OFD1: variants seen among roughly 807,000 people sequenced by gnomAD.
OFD1 encodes the protein centriole and centriolar satellite protein OFD1.
OFD1 carries 12 observed loss-of-function variants against 81.4 expected under a neutral mutation model. That is an observed-to-expected ratio of 0.15 (90% CI 0.09 to 0.24). OFD1 has a LOEUF of 0.24. OFD1 is among the 10% of genes least tolerant of loss of function. OFD1 has a pLI of 1.00. For missense variants in OFD1, 685 were observed against 733.9 expected (o/e 0.93, Z 0.77); for synonymous variants, 256 against 263.7 (o/e 0.97, Z 0.28).
At position 13,735,011 on chromosome X, in the gene OFD1, G is replaced by A; in HGVS notation, c.-61G>A. On this transcript the variant is annotated 5_prime_UTR_variant, in exon 1 of 23. Coordinates refer to ENST00000340096, the MANE Select transcript of OFD1 (RefSeq NM_003611.3). ...CGTCTTGGCCCCACCGCCCGGGCTGGGCACTAAACTCGGGCCGCGGCGGGG... is the reference window on the plus strand; with the variant it reads ...CGTCTTGGCCCCACCGCCCGGGCTGAGCACTAAACTCGGGCCGCGGCGGGG... The A allele has an allele frequency of 1.7e-6, 2 of 1,173,251 alleles. No individual in the cohort carries two copies. The highest frequency in any genetic ancestry group is 1.1e-6 in the Non-Finnish European group (1 of 879,575).
In OFD1 at chrX:13,734,809, C is replaced by A; in HGVS notation, c.-263C>A. On this transcript the variant is annotated 5_prime_UTR_variant, in exon 1 of 23. Coordinates refer to ENST00000340096, the MANE Select transcript of OFD1 (RefSeq NM_003611.3). ...TCCCTAGTGTCTGGGTCCCCGCCCT[C>A]CAGCCGCCTTTGAGTCGTGCCTGGG... The A allele has an allele frequency of 1.2e-5, 13 of 1,076,290 alleles. No homozygotes were observed. Among genetic ancestry groups the A allele is most frequent in the Non-Finnish European group, 1.6e-5 (13 of 835,860 alleles). 88.7% of individuals were successfully genotyped at this position (1,076,290 alleles called of 1,213,427 possible).
chrX:13,739,750 A>G (rs1380910914), intron 5 of OFD1: 3 of 571,462 alleles, frequency 5.2e-6, no homozygotes, highest in Non-Finnish European at 6.3e-6. Flanking sequence ...CTCCGTCTCA[A>G]AAAAAAAAAA....
At chrX:13,766,640 G>C (rs964693619) in intron 19 of OFD1, among the ~76,000 whole-genome samples, 9 of 111,184 alleles carry the variant, frequency 8.1e-5, no homozygotes, top group African/African-American at 2.6e-4. Flanking sequence ...GGAATGGCGG[G>C]GGGAGGGCAG....
chrX:13,733,748 CT>C (rs1311957675), upstream of OFD1, among the ~76,000 whole-genome samples: 2 of 106,657 alleles, frequency 1.9e-5, no homozygotes, highest in African/African-American at 3.4e-5. Context: ...AAGGTCGTGG[CT>C]TTTTTTTTTC....
At chrX:13,759,049 C>T (rs1215771579) in intron 15 of OFD1, among the ~76,000 whole-genome samples, 1 of 111,779 alleles carries the variant, frequency 8.9e-6, no homozygotes, top group Non-Finnish European at 1.9e-5. Context: ...TTATTGGTAT[C>T]ATTTTATTAT....
In OFD1 at chrX:13,744,402, A is replaced by G. The variant is rs1389919136; in HGVS notation, c.413-13A>G. 4 of 980,376 alleles carry G rather than the reference A, an allele frequency of 4.1e-6. No individual in the cohort carries two copies. The highest frequency in any genetic ancestry group is 3.0e-5 in the East Asian group (1 of 32,840). The allele number at this position is 980,376 out of a possible 1,213,427, so 80.8% of individuals were successfully genotyped here. On this transcript the variant is annotated splice_polypyrimidine_tract_variant and intron_variant, in intron 5 of 22. Transcript: ENST00000340096. Reference sequence around the variant, plus strand: ...AAAGTTCTGAAACAAAACTGTATGCATATGTTTTTTAGGTTTTCTTATGCA... The same window carrying G: ...AAAGTTCTGAAACAAAACTGTATGCGTATGTTTTTTAGGTTTTCTTATGCA...
chrX:13,728,757 C>T, the OFD1 span, among the ~76,000 whole-genome samples: 2 of 111,838 alleles, frequency 1.8e-5, no homozygotes, highest in Non-Finnish European at 3.8e-5. Context: ...CCAGGGCAAT[C>T]AGGCAAGAGA....
intron 5 of OFD1, among the ~76,000 whole-genome samples, chrX:13,743,056 T>A (rs970226005): frequency 2.7e-5 from 3 of 112,272 alleles, no homozygotes; most frequent in African/African-American, 9.7e-5. Context: ...AATTTATGCT[T>A]GTGGTTTAAA....
chrX:13,763,891 C>T (rs748243615), intron 19 of OFD1, 36 bp downstream of exon 19: 12 of 1,006,575 alleles, frequency 1.2e-5, no homozygotes, highest in African/African-American at 1.9e-5. Context: ...TCAGCAGGGT[C>T]GCATACTAAA....
chrX:13,728,905 G>A, the OFD1 span, among the ~76,000 whole-genome samples: 26 of 111,970 alleles, frequency 2.3e-4, no homozygotes, highest in South Asian at 5.2e-3. Context: ...CAGCAAAGTC[G>A]CAGGATACAA....
At chrX:13,724,216 A>C in the OFD1 span, among the ~76,000 whole-genome samples, 2 of 110,382 alleles carry the variant, frequency 1.8e-5, no homozygotes, top group East Asian at 2.9e-4. Flanking sequence ...GAAGGAGAAG[A>C]CTAAAGAAAT....
At chrX:13,762,868 A>G (rs1420980707) in intron 18 of OFD1, among the ~76,000 whole-genome samples, 1 of 111,179 alleles carries the variant, frequency 9.0e-6, no homozygotes, top group Non-Finnish European at 1.9e-5. Flanking sequence ...GGTCCAAGTG[A>G]TTCATCTGCC....
chrX:13,751,447 C>A, intron 10 of OFD1, 79 bp downstream of exon 10: 1 of 831,909 alleles, frequency 1.2e-6, no homozygotes, highest in Non-Finnish European at 1.7e-6. Flanking sequence ...ACAAAGTAGT[C>A]TGTAACTTAG....
intron 7 of OFD1, 81 bp from the exon 8 acceptor site, chrX:13,746,699 A>G: frequency 1.3e-6 from 1 of 772,190 alleles, no homozygotes; most frequent in Non-Finnish European, 1.9e-6. Context: ...TTAATGTTAA[A>G]CCTAGATGTA....
At chrX:13,746,978 G>A (rs749852948) in intron 8 of OFD1, 25 bp downstream of exon 8, 10 of 1,186,165 alleles carry the variant, frequency 8.4e-6, no homozygotes, top group Non-Finnish European at 1.1e-5. Context: ...TATTTTATGG[G>A]TGGCTATTTC....
At chrX:13,758,714 C>G (rs2047810631) in intron 15 of OFD1, among the ~76,000 whole-genome samples, 1 of 111,227 alleles carries the variant, frequency 9.0e-6, no homozygotes, top group African/African-American at 3.3e-5. Context: ...ACATAGAAGT[C>G]CCCATATTCA....
chrX:13,735,447 A>G (rs931590270), intron 2 of OFD1, 101 bp downstream of exon 2: 4 of 600,639 alleles, frequency 6.7e-6, no homozygotes, highest in Non-Finnish European at 5.8e-6. Context: ...CGTATGATAC[A>G]TAGATTGTAT....
At chrX:13,764,480 C>T (rs1250793886) in intron 19 of OFD1, among the ~76,000 whole-genome samples, 1 of 111,571 alleles carries the variant, frequency 9.0e-6, no homozygotes, top group Non-Finnish European at 1.9e-5. Flanking sequence ...CCACTTCCCT[C>T]CCTGCGGGTG....
downstream of OFD1, chrX:13,772,220 C>T (rs1478398854): frequency 8.9e-6 from 1 of 111,992 alleles, no homozygotes; most frequent in Non-Finnish European, 1.9e-5. Flanking sequence ...GTCAGTGAGT[C>T]CAGCATCCAG....
Sources: gnomAD v4.1 joint callset for allele counts (sites outside exome capture counted in the v4.1 genomes callset) on GRCh38, gnomAD v4.1.1 for gene constraint, MANE v1.5 for transcripts, NCBI Gene and HGNC (gene_info 2026-07-23, HGNC 2026-07-21) for gene names.